The following SLCO1A2 variants were observed in gnomAD, a reference collection of about 807,000 sequenced individuals.
SLCO1A2 encodes OATP-1.
A neutral mutation model predicts 69.0 loss-of-function variants in SLCO1A2; 67 were observed. The ratio of observed to expected loss-of-function variants is 0.97; its 90% CI spans 0.80 to 1.19. The LOEUF (loss-of-function observed/expected upper bound fraction) is 1.19, where lower values mean the gene tolerates loss of function less well. Among genes scored for constraint, SLCO1A2 ranks in the 50% most tolerant of loss-of-function variants. SLCO1A2 has a pLI of 0.00. For synonymous variants in SLCO1A2, 260 were observed against 265.9 expected (o/e 0.98, Z 0.22); for missense variants, 787 against 793.7 (o/e 0.99, Z 0.10).
chr12:21,366,039 C>T (rs138182638), intron 2 of SLCO1A2, among the ~76,000 whole-genome samples: 4 of 152,294 alleles, frequency 2.6e-5, no homozygotes, highest in African/African-American at 9.6e-5. Flanking sequence ...CCCAGCCATC[C>T]CATTACTGGG....
chr12:21,405,127 C>A (rs765303470), intron 1 of SLCO1A2, among the ~76,000 whole-genome samples: 3 of 148,764 alleles, frequency 2.0e-5, no homozygotes, highest in Non-Finnish European at 3.0e-5. Flanking sequence ...GGATATTAGA[C>A]CTTTGTAAGA....
intron 1 of SLCO1A2, among the ~76,000 whole-genome samples, chr12:21,377,609 T>C (rs1017894736): frequency 1.3e-5 from 2 of 152,158 alleles, no homozygotes; most frequent in Non-Finnish European, 2.9e-5. Flanking sequence ...ACTCTTTAAC[T>C]CATGAATTTG....
chr12:21,292,097 T>A, intron 12 of SLCO1A2, 67 bp downstream of exon 12: 1 of 1,190,838 alleles, frequency 8.4e-7, no homozygotes, highest in Non-Finnish European at 1.1e-6. Flanking sequence ...CCTGAGTGAC[T>A]TTCTTAGAAC....
rs922372244 is a variant in SLCO1A2 at position 21,340,134 on chromosome 12, T to C, written c.-62-5425A>G. 6.6e-5 allele frequency among the ~76,000 whole-genome samples: 10 copies of C among 152,124 alleles called. No individual in the cohort carries two copies. In the East Asian group the frequency reaches 1.9e-3, roughly 29 times the overall value. ...ATTGGTCAGCTCCCCACTTTACATA[T>C]GCAGGCATTGCAATTTCTATGTCAT... On this transcript the variant is annotated intron_variant, in intron 2 of 15. Coordinates refer to the SLCO1A2 transcript ENST00000307378.
intron 1 of SLCO1A2, among the ~76,000 whole-genome samples, chr12:21,392,820 G>A (rs1941229316): frequency 6.6e-6 from 1 of 152,154 alleles, no homozygotes; most frequent in African/African-American, 2.4e-5. Context: ...AGTTTTAAGA[G>A]AAGTCACTTT....
rs535769920 is a variant in SLCO1A2 at position 21,316,985 on chromosome 12, T to C, written c.202+1797A>G. On this transcript the variant is annotated intron_variant, in intron 3 of 14. Coordinates refer to ENST00000683939, the MANE Select transcript of SLCO1A2 (RefSeq NM_001386879.1). ...TAAAATTAGTAACTTTTTAATTTAA[T>C]GGGTTGATTAAAAGTACAAATATTA... Among the ~76,000 whole-genome samples, 411 of 152,338 alleles carry C rather than the reference T, an allele frequency of 2.7e-3. 5 individuals are homozygous for C. The highest frequency in any genetic ancestry group is 9.5e-3 in the African/African-American group (394 of 41,590).
intron 12 of SLCO1A2, among the ~76,000 whole-genome samples, chr12:21,289,123 A>G (rs1946421623): frequency 6.6e-6 from 1 of 151,844 alleles, no homozygotes; most frequent in South Asian, 2.1e-4. Context: ...GCAATCACAA[A>G]TATTTACATG....
At position 21,408,999 on chromosome 12, in the gene SLCO1A2, C is replaced by T. The variant is rs145621788; in HGVS notation, c.-312+8883G>A. 8.5e-5 allele frequency among the ~76,000 whole-genome samples: 13 copies of T among 152,296 alleles called. 1 individual carries two copies. Among genetic ancestry groups the T allele is most frequent in the African/African-American group, 3.1e-4 (13 of 41,560 alleles). ...GCAGAGGTAGACAGAGTTTGTGGAT[C>T]ACCCTCAGAAAGGTATCCTGGGTTC... is the stretch of plus-strand genomic sequence containing the variant. On this transcript the variant is annotated intron_variant, in intron 1 of 4. Transcript: ENST00000413682.
intron 4 of SLCO1A2, among the ~76,000 whole-genome samples, chr12:21,307,937 G>C (rs1949635960): frequency 6.6e-6 from 1 of 152,074 alleles, no homozygotes; most frequent in South Asian, 2.1e-4. Flanking sequence ...GTGAACTATA[G>C]ACAAAGGCTT....
chr12:21,377,745 A>G (rs1335247006), intron 1 of SLCO1A2, among the ~76,000 whole-genome samples: 1 of 152,198 alleles, frequency 6.6e-6, no homozygotes, highest in Non-Finnish European at 1.5e-5. Context: ...TTCCCTTATG[A>G]CATTTCTTGC....
chr12:21,354,616 A>T (rs975159545), intron 2 of SLCO1A2, among the ~76,000 whole-genome samples: 1 of 152,180 alleles, frequency 6.6e-6, no homozygotes, highest in Non-Finnish European at 1.5e-5. Context: ...CTGTCCTGCT[A>T]TTCCATTGTA....
chr12:21,272,488 AT>A (rs1430553610), intron 14 of SLCO1A2, among the ~76,000 whole-genome samples: 6 of 151,896 alleles, frequency 4.0e-5, no homozygotes, highest in Middle Eastern at 3.4e-3. Flanking sequence ...ATTTTTCTAT[AT>A]TTTTATAGTG....
At chr12:21,373,752 T>C (rs774987087) in intron 2 of SLCO1A2, 1 of 696,828 alleles carries the variant, frequency 1.4e-6, no homozygotes, top group South Asian at 1.5e-5. Context: ...TTCTTCTATA[T>C]TAACCTGATA....
chr12:21,351,642 G>T (rs1937965296), intron 2 of SLCO1A2, among the ~76,000 whole-genome samples: 1 of 151,982 alleles, frequency 6.6e-6, no homozygotes, highest in Non-Finnish European at 1.5e-5. Flanking sequence ...GCCGGGCATG[G>T]TGGTGGGCGC....
chr12:21,385,486 T>C (rs1940832129), intron 1 of SLCO1A2, among the ~76,000 whole-genome samples: 1 of 152,238 alleles, frequency 6.6e-6, no homozygotes, highest in African/African-American at 2.4e-5. Context: ...AGCTAACAGC[T>C]GGTTAAGAGC....
At chr12:21,305,069 C>T (rs1377233219) in intron 5 of SLCO1A2, among the ~76,000 whole-genome samples, 1 of 152,204 alleles carries the variant, frequency 6.6e-6, no homozygotes, top group Non-Finnish European at 1.5e-5. Context: ...GAATTCTCTA[C>T]AGCTCTAATT....
At position 21,318,901 on chromosome 12, in the gene SLCO1A2, C is replaced by G. The variant is rs979216737; in HGVS notation, c.83G>C (p.Cys28Ser). The G allele has an allele frequency of 6.3e-7, 1 of 1,589,890 alleles. No homozygotes were observed. Residue 28 changes from cysteine to serine, a missense_variant, in exon 3 of 15, where the codon TGT becomes TCT. Coordinates refer to ENST00000683939, the MANE Select transcript of SLCO1A2 (RefSeq NM_001386879.1). ...AGACAGTGTTTTGGATACAAATGCA[C>G]ATGTTATTGCCAACAGAAACATCTA... ...KLKMFLLAIT[C>S]AFVSKTLSGS...
chr12:21,347,702 A>AGGAAGGAAGGAAGGAAGGAAGAAAG (rs1555122088), intron 2 of SLCO1A2, among the ~76,000 whole-genome samples: 205 of 148,246 alleles, frequency 1.4e-3, no homozygotes, highest in African/African-American at 5.0e-3. Flanking sequence ...GGAAGGAAGA[A>AGGAAGGAAGGAAGGAAGGAAGAAAG]GGAAAAAAGG....
At chr12:21,333,032 T>G (rs1952709384) in intron 2 of SLCO1A2, among the ~76,000 whole-genome samples, 1 of 151,786 alleles carries the variant, frequency 6.6e-6, no homozygotes, top group Admixed American at 6.6e-5. Context: ...CTAGCTATTT[T>G]TTATATTGAA....
Sources: gnomAD v4.1 joint callset for allele counts (sites outside exome capture counted in the v4.1 genomes callset) on GRCh38, gnomAD v4.1.1 for gene constraint, MANE v1.5 for transcripts, NCBI Gene and HGNC (gene_info 2026-07-23, HGNC 2026-07-21) for gene names.